FAAP20: variants seen among roughly 807,000 people sequenced by gnomAD.
The protein encoded by FAAP20 is Fanconi anemia core complex-associated protein 20.
FAAP20 carries 12 observed loss-of-function variants against 16.2 expected under a neutral mutation model. The observed-to-expected ratio is 0.74, with a 90% CI of 0.48 to 1.20. The LOEUF is 1.20. Ranked by LOEUF, FAAP20 falls within the 50% of genes most tolerant of loss-of-function variation. The probability of loss-of-function intolerance (pLI) is 0.00; values close to 1 mark genes in which losing one functional copy is unlikely to be tolerated. For synonymous variants in FAAP20, 141 were observed against 110.7 expected, an observed-to-expected ratio of 1.27 and a Z score of -1.72; for missense variants, 288 against 245.8, an observed-to-expected ratio of 1.17 and a Z score of -1.15.
chr1:2,187,300 T>C, downstream of FAAP20: 1 of 406,960 alleles, frequency 2.5e-6, no homozygotes. Flanking sequence ...TTTTTTTCTT[T>C]TTCTTTTTTT....
Position 2,192,449 on chromosome 1 carries a change from TC to T in FAAP20, c.470+1189del. 7.0e-6 allele frequency: 7 copies of T among 996,766 alleles called. No homozygotes were observed. The South Asian group carries it at 3.1e-4, about 44-fold the overall frequency. 61.7% of individuals were successfully genotyped at this position (996,766 alleles called of 1,614,324 possible). On this transcript the variant is annotated intron_variant, in intron 3 of 3. Transcript: ENST00000378546. ...TAAAAAGCTCAAAATGGCAAGTTTT[TC>T]CTCGTGAACGTCCTTGTCTTCAGAA...
chr1:2,201,796 T>C (rs1048992837), upstream of FAAP20, among the ~76,000 whole-genome samples: 18 of 151,830 alleles, frequency 1.2e-4, no homozygotes, highest in African/African-American at 4.4e-4. Context: ...GGCAGGCGGA[T>C]CACGAAGTCA....
At chr1:2,188,081 GA>G (rs1174539474), downstream of FAAP20, among the ~76,000 whole-genome samples, 8 of 152,188 alleles carry the variant, frequency 5.3e-5, no homozygotes, top group Admixed American at 4.6e-4. Context: ...TGATTGAAAG[GA>G]AAATACAGAC....
intron 3 of FAAP20, chr1:2,190,078 A>C: frequency 1.7e-6 from 1 of 577,384 alleles, no homozygotes; most frequent in Non-Finnish European, 3.3e-6. Flanking sequence ...GCTCAGCTTG[A>C]GAACGCGCTC....
downstream of FAAP20, among the ~76,000 whole-genome samples, chr1:2,186,432 A>G (rs1244842106): frequency 1.3e-5 from 2 of 151,930 alleles, no homozygotes; most frequent in African/African-American, 4.8e-5. Flanking sequence ...AGGTGCCAGG[A>G]CAAGAATGCC....
At chr1:2,184,795 TC>T, downstream of FAAP20, 4 of 1,398,660 alleles carry the variant, frequency 2.9e-6, no homozygotes, top group South Asian at 2.5e-5. Context: ...TGCCCTTGAG[TC>T]CCACCCGCCT....
rs111474129 is a variant in FAAP20 at position 2,190,312 on chromosome 1, G to A, written c.471-531C>T. On this transcript the variant is annotated intron_variant, in intron 3 of 3. Coordinates refer to ENST00000378546, the MANE Select transcript of FAAP20 (RefSeq NM_182533.4). ...TCACCGGCGTGCAGGCTGCCAACCT[G>A]CCACTCTGGGAGGCCCCACGCGGCC... The A allele has an allele frequency of 6.8e-3, 3,114 of 456,408 alleles. 77 individuals carry two copies. Among genetic ancestry groups the A allele is most frequent in the African/African-American group, 0.054 (2,696 of 50,216 alleles). 28.3% of individuals were successfully genotyped at this position (456,408 alleles called of 1,614,324 possible). A position where few individuals can be genotyped will look rare whatever the true frequency, so the allele number is the denominator to read the frequency against.
intron 3 of FAAP20, chr1:2,191,679 T>C (rs2100660733): frequency 4.1e-6 from 1 of 241,062 alleles, no homozygotes; most frequent in South Asian, 1.5e-4. Flanking sequence ...AGGCAGATGT[T>C]GCAGTGAGCC....
Position 2,193,717 on chromosome 1 carries a change from C to T in FAAP20, c.392G>A (p.Arg131Lys), listed in dbSNP as rs1363481159. ...RPAPDPCRAPRVEQQPSVEGA... is the reference protein window; with the variant it reads ...RPAPDPCRAPKVEQQPSVEGA... ...CTCCACAGACGGCTGCTGCTCCACC[C>T]TGGGGGCCCTGCAGGGATCAGGTGC... The change falls in exon 3 of 4, where the codon AGG (arginine) becomes AAG (lysine). Residue 131 changes from arginine to lysine, a missense_variant. Coordinates refer to ENST00000378546, the MANE Select transcript of FAAP20 (RefSeq NM_182533.4). 2 of 1,592,216 alleles carry T rather than the reference C, an allele frequency of 1.3e-6. No homozygotes were observed. Among genetic ancestry groups the T allele is most frequent in the South Asian group, 1.1e-5 (1 of 88,770 alleles).
intron 3 of FAAP20, among the ~76,000 whole-genome samples, chr1:2,205,341 T>C (rs905490603): frequency 7.1e-6 from 1 of 141,732 alleles, no homozygotes; most frequent in Non-Finnish European, 1.5e-5. Context: ...CCGCCCACGT[T>C]CCGCCCCACC....
chr1:2,194,796 C>A (rs1557785019), upstream of FAAP20: 1 of 1,062,194 alleles, frequency 9.4e-7, no homozygotes, highest in African/African-American at 1.7e-5. Flanking sequence ...GCCCCCGCCC[C>A]TCCAGGCCCC....
At chr1:2,192,777 G>T (rs1215382229) in intron 3 of FAAP20, 4 of 1,105,440 alleles carry the variant, frequency 3.6e-6, no homozygotes, top group Admixed American at 2.3e-5. Context: ...CCACGCCCAG[G>T]CATGTAAAGA....
At chr1:2,204,620 C>T (rs1231753835), upstream of FAAP20, among the ~76,000 whole-genome samples, 1 of 152,090 alleles carries the variant, frequency 6.6e-6, no homozygotes, top group Non-Finnish European at 1.5e-5. Context: ...GCCGGAGAAC[C>T]CGCAGGACGT....
At position 2,191,805 on chromosome 1, in the gene FAAP20, G is replaced by C. The variant is rs377253909; in HGVS notation, c.470+1834C>G. The C allele has an allele frequency of 3.4e-5, 33 of 982,830 alleles. No individual in the cohort carries two copies. In the African/African-American group the frequency reaches 5.8e-4, roughly 17 times the overall value. 60.9% of individuals were successfully genotyped at this position (982,830 alleles called of 1,614,324 possible). A position where few individuals can be genotyped will look rare whatever the true frequency, so the allele number is the denominator to read the frequency against. On this transcript the variant is annotated intron_variant, in intron 3 of 3. Coordinates refer to ENST00000378546, the MANE Select transcript of FAAP20 (RefSeq NM_182533.4). ...GCCACATCAACAGAGACAAAACGCA[G>C]CTCTGGCTCTCAACATCCTCACCCC...
At chr1:2,211,053 C>T (rs1371390129), downstream of FAAP20, among the ~76,000 whole-genome samples, 1 of 152,116 alleles carries the variant, frequency 6.6e-6, no homozygotes. Flanking sequence ...CCAGGGTGTT[C>T]TGACAGACTC....
upstream of FAAP20, chr1:2,201,296 G>A (rs775379540): frequency 4.1e-5 from 46 of 1,109,120 alleles, no homozygotes; most frequent in Middle Eastern, 8.3e-4. Context: ...GGACACGCAC[G>A]GTGAGCGACC....
chr1:2,194,729 C>T lies in FAAP20; in HGVS notation c.21G>A (p.Pro7=), dbSNP rs2100703063. The stretch of plus-strand genomic sequence containing the variant: ...GCCTCCGGCGGCTCAACCCCAGCCG[C>T]GGCCTCCGCGCCGCCTCCATCCAAG... The part of the protein sequence containing the change: MEAARR[P]RLGLSRRRPR... The change falls in exon 1 of 4, where the codon CCG becomes CCA. Residue 7 remains proline (P), a synonymous_variant. Coordinates refer to ENST00000378546, the MANE Select transcript of FAAP20 (RefSeq NM_182533.4). The T allele has an allele frequency of 1.7e-6, 2 of 1,193,712 alleles. No homozygotes were observed. Among genetic ancestry groups the T allele is most frequent in the Non-Finnish European group, 2.1e-6 (2 of 965,338 alleles). The allele number at this position is 1,193,712 out of a possible 1,614,324, so 73.9% of individuals were successfully genotyped here.
downstream of FAAP20, among the ~76,000 whole-genome samples, chr1:2,210,638 T>G (rs960211935): frequency 2.0e-5 from 3 of 152,228 alleles, no homozygotes; most frequent in African/African-American, 7.2e-5. Context: ...TGGGCAGCAC[T>G]AGTCCCTTTT....
chr1:2,189,060 T>C (rs1053793602), downstream of FAAP20, among the ~76,000 whole-genome samples: 4 of 147,876 alleles, frequency 2.7e-5, no homozygotes, highest in Non-Finnish European at 5.9e-5. Context: ...CTGGGGCTGC[T>C]GGCTCACGCC....
Sources: gnomAD v4.1 joint callset for allele counts (sites outside exome capture counted in the v4.1 genomes callset) on GRCh38, gnomAD v4.1.1 for gene constraint, MANE v1.5 for transcripts, NCBI Gene and HGNC (gene_info 2026-07-23, HGNC 2026-07-21) for gene names.